The following SH2B3 variants were observed in gnomAD, a reference collection of about 807,000 sequenced individuals.
SH2B3 encodes the protein SH2B adaptor protein 3, also known as SH2B adapter protein 3.
Under a neutral mutation model 51.9 loss-of-function variants are expected in SH2B3, and 43 were observed. The ratio of observed to expected loss-of-function variants is 0.83; its 90% CI spans 0.65 to 1.07. The LOEUF is 1.07. Ranked by LOEUF, SH2B3 falls within the 50% of genes least tolerant of loss-of-function variation. The pLI is 0.00. For synonymous variants in SH2B3, 396 were observed against 376.0 expected, an observed-to-expected ratio of 1.05 and a Z score of -0.62; for missense variants, 952 against 834.3, an observed-to-expected ratio of 1.14 and a Z score of -1.74.
rs187076978 is a variant in SH2B3, at chr12:111,449,511, C to G, written c.*1209C>G. ...GAGAATCTATCTATCTCCTTGCACA[C>G]ATGGGCACACACAATCTCCACCATC... is the stretch of plus-strand genomic sequence containing the variant. On this transcript the variant is annotated 3_prime_UTR_variant, in exon 8 of 8. Transcript: ENST00000341259. 1 of 152,310 alleles carries G rather than the reference C, an allele frequency of 6.6e-6. No individual in the cohort carries two copies. The highest frequency in any genetic ancestry group is 1.5e-5 in the Non-Finnish European group (1 of 68,144). The allele number at this position is 152,310 out of a possible 1,614,324, so 9.4% of individuals were successfully genotyped here.
chr12:111,442,819 T>C (rs1013501870), intron 2 of SH2B3, among the ~76,000 whole-genome samples: 53 of 152,232 alleles, frequency 3.5e-4, no homozygotes, highest in African/African-American at 1.3e-3. Context: ...TCAGCCTTGC[T>C]CTCCACGTAG....
intron 2 of SH2B3, among the ~76,000 whole-genome samples, chr12:111,436,387 G>T (rs1356164117): frequency 6.6e-6 from 1 of 152,214 alleles, no homozygotes; most frequent in Non-Finnish European, 1.5e-5. Context: ...GCGGGGTAGG[G>T]AGTGTAGGGC....
chr12:111,423,526 C>G (rs1017242257), intron 2 of SH2B3, among the ~76,000 whole-genome samples: 1 of 152,170 alleles, frequency 6.6e-6, no homozygotes, highest in African/African-American at 2.4e-5. Flanking sequence ...CCCGCCACCA[C>G]ACCTGGCTAA....
intron 2 of SH2B3, among the ~76,000 whole-genome samples, chr12:111,419,150 A>G (rs1283595872): frequency 6.6e-6 from 1 of 151,732 alleles, no homozygotes; most frequent in Non-Finnish European, 1.5e-5. Flanking sequence ...ATCTCTATAA[A>G]AAATTAGCCA....
intron 2 of SH2B3, among the ~76,000 whole-genome samples, chr12:111,439,062 T>A (rs1224549800): frequency 6.6e-6 from 1 of 152,224 alleles, no homozygotes; most frequent in Non-Finnish European, 1.5e-5. Context: ...AGCCTCTGCC[T>A]CCCGGGTTCA....
chr12:111,448,188 C>T lies in SH2B3; in HGVS notation c.1614C>T (p.Ser538=), dbSNP rs1326057197. Reference sequence around the variant, plus strand: ...CTTCGCCCGAAGAACTGGCCAACAGCCTGCAGCACCTGGAGCATGAGCCTG... The same window carrying T: ...CTTCGCCCGAAGAACTGGCCAACAGTCTGCAGCACCTGGAGCATGAGCCTG... The part of the protein sequence containing the change: ...LVPSPEELAN[S]LQHLEHEPVN... Residue 538 remains serine, a synonymous_variant, in exon 8 of 8, where the codon AGC becomes AGT. Coordinates refer to ENST00000341259, the MANE Select transcript of SH2B3 (RefSeq NM_005475.3). 2 of 1,614,154 alleles carry T rather than the reference C, an allele frequency of 1.2e-6. No individual in the cohort carries two copies. The highest frequency in any genetic ancestry group is 8.5e-7 in the Non-Finnish European group (1 of 1,180,010).
chr12:111,405,792 C>T (rs1413368732), upstream of SH2B3, among the ~76,000 whole-genome samples: 1 of 152,108 alleles, frequency 6.6e-6, no homozygotes. This position sits in a 1 kb window ranked among gnomAD's most constrained non-coding sequence, Gnocchi z 5.4. Flanking sequence ...GCCCTCATGG[C>T]CCGCCCCTCC....
intron 2 of SH2B3, among the ~76,000 whole-genome samples, chr12:111,430,067 TG>T (rs1257920768): frequency 2.0e-5 from 3 of 152,184 alleles, no homozygotes; most frequent in Non-Finnish European, 4.4e-5. Flanking sequence ...CAGAGGCTCC[TG>T]GGGTAGGAAC....
chr12:111,447,299 T>G, intron 5 of SH2B3, 31 bp from the exon 6 acceptor site: 7 of 1,596,868 alleles, frequency 4.4e-6, no homozygotes, highest in Non-Finnish European at 6.0e-6. Context: ...GGTAGCCCCC[T>G]GCGACCACCA....
upstream of SH2B3, chr12:111,405,817 C>T (rs1473264768): frequency 6.6e-6 from 1 of 151,890 alleles, no homozygotes; most frequent in Non-Finnish European, 1.5e-5. The surrounding 1 kb of genome is among the most constrained non-coding windows in gnomAD (Gnocchi z 5.4). Flanking sequence ...GAATCTCCGA[C>T]TCGCGCGCGG....
chr12:111,406,426 T>G lies in SH2B3; in HGVS notation c.-28+149T>G, dbSNP rs888575104. 3 of 152,522 alleles carry G rather than the reference T, an allele frequency of 2.0e-5. No homozygotes were observed. The highest frequency in any genetic ancestry group is 4.8e-5 in the African/African-American group (2 of 41,406). The allele number at this position is 152,522 out of a possible 1,614,324, so 9.4% of individuals were successfully genotyped here. ...CTGCAGCCAACTCGGATGGAGGCGT[T>G]CCGGGGTGACGGCTCCCAGCGCCTA... is the stretch of plus-strand genomic sequence containing the variant. On this transcript the variant is annotated intron_variant, in intron 1 of 7. Transcript: ENST00000341259. This position sits in a 1 kb window ranked among gnomAD's most constrained non-coding sequence, Gnocchi z 5.7.
At chr12:111,424,300 G>A (rs1404213655) in intron 2 of SH2B3, among the ~76,000 whole-genome samples, 2 of 152,036 alleles carry the variant, frequency 1.3e-5, no homozygotes, top group East Asian at 3.9e-4. Flanking sequence ...TACCCCATAG[G>A]GCTGTGTGTC....
chr12:111,439,009 C>G (rs1873152697), intron 2 of SH2B3, among the ~76,000 whole-genome samples: 1 of 152,160 alleles, frequency 6.6e-6, no homozygotes, highest in South Asian at 2.1e-4. Context: ...GCTCTGTTGC[C>G]CAGGCTGCAG....
Position 111,407,182 on chromosome 12 carries a change from C to G in SH2B3, c.-28+905C>G, listed in dbSNP as rs1870314570. Among the ~76,000 whole-genome samples the G allele has an allele frequency of 6.6e-6, 1 of 152,238 alleles. No individual in the cohort carries two copies. Among genetic ancestry groups the G allele is most frequent in the Non-Finnish European group, 1.5e-5 (1 of 68,044 alleles). On this transcript the variant is annotated intron_variant, in intron 1 of 7. Coordinates refer to ENST00000341259, the MANE Select transcript of SH2B3 (RefSeq NM_005475.3). This position sits in a 1 kb window ranked among gnomAD's most constrained non-coding sequence, Gnocchi z 4.3. ...TTCTCCTGTTTCTCTTCCCCATTCC[C>G]AGCCACAATGATGTAGGTGAGGAGG...
chr12:111,433,464 T>C (rs1336477598), intron 2 of SH2B3, among the ~76,000 whole-genome samples: 1 of 152,240 alleles, frequency 6.6e-6, no homozygotes, highest in Non-Finnish European at 1.5e-5. Context: ...AGTTTCTCCA[T>C]GTCCTTGCCA....
In SH2B3 at chr12:111,407,073, T is replaced by G. The variant is rs1049933663; in HGVS notation, c.-28+796T>G. 6.6e-6 allele frequency among the ~76,000 whole-genome samples: 1 copy of G among 152,102 alleles called. No individual in the cohort carries two copies. The highest frequency in any genetic ancestry group is 1.5e-5 in the Non-Finnish European group (1 of 67,984). ...CTCCCTCCGGCCAGGGGAGCTTTGT[T>G]TTGAGGGAGGGGGACTGCATTTGAG... is the stretch of plus-strand genomic sequence containing the variant. On this transcript the variant is annotated intron_variant, in intron 1 of 7. Transcript: ENST00000341259. The surrounding 1 kb of genome is among the most constrained non-coding windows in gnomAD (Gnocchi z 4.3).
rs944833327 is a variant in SH2B3 at position 111,449,748 on chromosome 12, C to T, written c.*1446C>T. ...GGAGTTTAGATCAGCTTTACAGATA[C>T]ATCGATCAGAGGCTAAAATGAAACC... On this transcript the variant is annotated 3_prime_UTR_variant, in exon 8 of 8. Coordinates refer to ENST00000341259, the MANE Select transcript of SH2B3 (RefSeq NM_005475.3). 2 of 152,158 alleles carry T rather than the reference C, an allele frequency of 1.3e-5. No homozygotes were observed. The highest frequency in any genetic ancestry group is 4.8e-5 in the African/African-American group (2 of 41,424). 9.4% of individuals were successfully genotyped at this position (152,158 alleles called of 1,614,324 possible). A position where few individuals can be genotyped will look rare whatever the true frequency, so the allele number is the denominator to read the frequency against.
At chr12:111,427,736 T>C (rs1343793975) in intron 2 of SH2B3, among the ~76,000 whole-genome samples, 1 of 152,234 alleles carries the variant, frequency 6.6e-6, no homozygotes, top group East Asian at 1.9e-4. Context: ...TGAGCCTCAG[T>C]TTCCCTCATC....
At position 111,418,488 on chromosome 12, in the gene SH2B3, C is replaced by T. The variant is rs1438571838; in HGVS notation, c.343C>T (p.Leu115=). The T allele has an allele frequency of 2.2e-6, 3 of 1,369,472 alleles. No homozygotes were observed. Among genetic ancestry groups the T allele is most frequent in the Admixed American group, 3.6e-5 (1 of 27,644 alleles). 84.8% of individuals were successfully genotyped at this position (1,369,472 alleles called of 1,614,324 possible). The change falls in exon 2 of 8, where the codon CTG becomes TTG. Residue 115 remains leucine, a synonymous_variant. Transcript: ENST00000341259. The surrounding 1 kb of genome is among the most constrained non-coding windows in gnomAD (Gnocchi z 6.7). ...AGGCCCCGGCCCCGCCGCCCCTGGC[C>T]TGCCCAAGGCCCGCAGCTCTGAGGA... ...EPGPGPAAPG[L]PKARSSEELA...
Sources: gnomAD v4.1 joint callset for allele counts (sites outside exome capture counted in the v4.1 genomes callset) on GRCh38, gnomAD v4.1.1 for gene constraint, Gnocchi (gnomAD v3.1) non-coding constraint, MANE v1.5 for transcripts, NCBI Gene and HGNC (gene_info 2026-07-23, HGNC 2026-07-21) for gene names.